COL19A1: variants seen among roughly 807,000 people sequenced by gnomAD.
COL19A1 encodes the protein collagen alpha-1(XIX) chain.
A neutral mutation model predicts 190.2 loss-of-function variants in COL19A1; 159 were observed. The ratio of observed to expected loss-of-function variants is 0.84; its 90% CI spans 0.73 to 0.95. COL19A1 has a LOEUF of 0.95. Among genes scored for constraint, COL19A1 ranks in the 40% least tolerant of loss-of-function variants. The pLI is 0.00. For missense variants in COL19A1, 1,418 were observed against 1,431.9 expected (o/e 0.99, Z 0.16); for synonymous variants, 509 against 458.9 (o/e 1.11, Z -1.39).
intron 11 of COL19A1, among the ~76,000 whole-genome samples, chr6:69,999,034 C>T (rs556631960): frequency 1.3e-5 from 2 of 151,818 alleles, no homozygotes; most frequent in African/African-American, 4.8e-5. Flanking sequence ...AAGTGATTCT[C>T]CTGTCTCAGC....
In COL19A1 at chr6:69,929,695, G is replaced by A. The variant is rs1772629123; in HGVS notation, c.661G>A (p.Val221Met). 2 of 1,609,534 alleles carry A rather than the reference G, an allele frequency of 1.2e-6. No individual in the cohort carries two copies. The highest frequency in any genetic ancestry group is 1.3e-5 in the African/African-American group (1 of 74,738). ...TACGCGAGCTTCAGATGGCAAGCCTGTGGATGTAAGTTGTGATGTTAGTTG... is the reference window on the plus strand; with the variant it reads ...TACGCGAGCTTCAGATGGCAAGCCTATGGATGTAAGTTGTGATGTTAGTTG... Reference protein sequence around the residue: ...IATRASDGKPVDIELHQLKIY... With the variant: ...IATRASDGKPMDIELHQLKIY... Residue 221 changes from valine (V) to methionine (M), a missense_variant, in exon 6 of 51, where the codon GTG (valine) becomes ATG (methionine). By Grantham distance (21) the Val-to-Met change is conservative. Transcript: ENST00000620364.
intron 1 of COL19A1, among the ~76,000 whole-genome samples, chr6:69,876,497 A>C (rs1370171310): frequency 6.6e-6 from 1 of 151,472 alleles, no homozygotes; most frequent in African/African-American, 2.5e-5. Flanking sequence ...CAATTATAAT[A>C]TCAGGTACCT....
At chr6:70,139,079 T>G (rs1360910483) in intron 19 of COL19A1, among the ~76,000 whole-genome samples, 4 of 152,030 alleles carry the variant, frequency 2.6e-5, no homozygotes, top group Non-Finnish European at 5.9e-5. Context: ...TTAATAAAAA[T>G]TTTACTGGAA....
chr6:70,065,909 ATAT>A (rs1781163058), intron 14 of COL19A1, among the ~76,000 whole-genome samples: 1 of 152,232 alleles, frequency 6.6e-6, no homozygotes, highest in South Asian at 2.1e-4. Context: ...CCACAATGAG[ATAT>A]TATCTCACAC....
At chr6:69,880,784 T>C (rs1768493294) in intron 2 of COL19A1, among the ~76,000 whole-genome samples, 1 of 152,206 alleles carries the variant, frequency 6.6e-6, no homozygotes, top group Non-Finnish European at 1.5e-5. Context: ...TAATCAGCTG[T>C]GACTCATGGC....
intron 12 of COL19A1, among the ~76,000 whole-genome samples, chr6:70,033,160 A>C (rs1417894334): frequency 2.0e-5 from 3 of 152,172 alleles, no homozygotes; most frequent in Non-Finnish European, 4.4e-5. Context: ...TGTTTTTCTT[A>C]AAGTATAATA....
At chr6:70,031,780 G>C (rs1305417130) in intron 12 of COL19A1, among the ~76,000 whole-genome samples, 1 of 152,002 alleles carries the variant, frequency 6.6e-6, no homozygotes, top group Non-Finnish European at 1.5e-5. Flanking sequence ...CACCACACAA[G>C]GACCATTTCT....
At chr6:69,947,877 T>C (rs1270702619) in intron 9 of COL19A1, among the ~76,000 whole-genome samples, 1 of 151,866 alleles carries the variant, frequency 6.6e-6, no homozygotes, top group East Asian at 1.9e-4. Flanking sequence ...CTCAGTAAAG[T>C]CCAACAAACT....
chr6:69,947,866 A>G (rs1773913109), intron 9 of COL19A1, among the ~76,000 whole-genome samples: 1 of 151,814 alleles, frequency 6.6e-6, no homozygotes, highest in African/African-American at 2.4e-5. Context: ...TAACTGTTAA[A>G]CTCAGTAAAG....
chr6:70,131,233 A>T, intron 18 of COL19A1: 1 of 249,932 alleles, frequency 4.0e-6, no homozygotes, highest in Non-Finnish European at 8.3e-6. Context: ...CTCTGAGGGA[A>T]TGTGGCCTGT....
At chr6:69,941,324 A>T (rs1423970381) in intron 9 of COL19A1, among the ~76,000 whole-genome samples, 1 of 152,210 alleles carries the variant, frequency 6.6e-6, no homozygotes, top group Non-Finnish European at 1.5e-5. Flanking sequence ...CACAGCACTT[A>T]GAAACTGGCA....
intron 11 of COL19A1, among the ~76,000 whole-genome samples, chr6:69,987,170 A>G (rs1776359232): frequency 6.6e-6 from 1 of 152,212 alleles, no homozygotes; most frequent in African/African-American, 2.4e-5. Context: ...CAGCAATGAT[A>G]ACTGACTCTT....
intron 14 of COL19A1, among the ~76,000 whole-genome samples, chr6:70,056,327 T>C (rs760466550): frequency 1.2e-4 from 18 of 152,206 alleles, no homozygotes; most frequent in Non-Finnish European, 1.5e-4. Context: ...AGATTTTTCT[T>C]GAGTGTCTTC....
intron 42 of COL19A1, among the ~76,000 whole-genome samples, chr6:70,177,166 A>G (rs1765865564): frequency 6.6e-6 from 1 of 152,164 alleles, no homozygotes; most frequent in South Asian, 2.1e-4. Flanking sequence ...CCTAGAGATC[A>G]TTCTGATCTT....
chr6:70,029,114 T>C (rs1022363157), intron 12 of COL19A1, among the ~76,000 whole-genome samples: 1 of 152,082 alleles, frequency 6.6e-6, no homozygotes, highest in African/African-American at 2.4e-5. Flanking sequence ...TACAAAAATA[T>C]TGAAATCACA....
At position 69,965,544 on chromosome 6, in the gene COL19A1, A is replaced by G. The variant is rs113767418; in HGVS notation, c.1026+2674A>G. Among the ~76,000 whole-genome samples, 1,072 of 152,352 alleles carry G rather than the reference A, an allele frequency of 7.0e-3. 9 individuals carry two copies. The highest frequency in any genetic ancestry group is 0.024 in the African/African-American group (992 of 41,574). On this transcript the variant is annotated intron_variant, in intron 11 of 50. Transcript: ENST00000620364. ...AAAAACCTGTGGCACTAGAACAAGT[A>G]TAAAGGACCTCATTTAAAGTATATT...
intron 2 of COL19A1, among the ~76,000 whole-genome samples, chr6:69,884,296 C>G: frequency 6.6e-6 from 1 of 150,560 alleles, no homozygotes; most frequent in East Asian, 2.0e-4. Context: ...GACAAGATCA[C>G]GCCATTGCAC....
At chr6:69,982,983 A>C (rs1776125123) in intron 11 of COL19A1, among the ~76,000 whole-genome samples, 2 of 141,872 alleles carry the variant, frequency 1.4e-5, no homozygotes. Flanking sequence ...AAAATAAATA[A>C]ATAAATAAAT....
chr6:70,035,897 A>G lies in COL19A1; in HGVS notation c.1135-7A>G, dbSNP rs775982305. 2.2e-5 allele frequency: 35 copies of G among 1,612,922 alleles called. No homozygotes were observed. The South Asian group carries it at 3.3e-4, about 15-fold the overall frequency. ...GGTAATTGTAGCTTTTCTTTAATCT[A>G]TTTTAGGGAGATACAGGACCCCCAG... On this transcript the variant is annotated splice_region_variant and splice_polypyrimidine_tract_variant and intron_variant, in intron 13 of 50. Transcript: ENST00000620364.
Sources: allele counts gnomAD v4.1 joint callset (sites outside exome capture counted in the v4.1 genomes callset), GRCh38; gene constraint gnomAD v4.1.1; transcripts MANE v1.5; gene names NCBI Gene and HGNC (gene_info 2026-07-23, HGNC 2026-07-21).